C17orf50: variants seen among roughly 807,000 people sequenced by gnomAD.
C17orf50 encodes uncharacterized protein C17orf50.
In C17orf50, 16 loss-of-function variants were observed where a neutral mutation model predicts 17.7. That is an observed-to-expected ratio of 0.90 (90% CI 0.61 to 1.37). The LOEUF (loss-of-function observed/expected upper bound fraction) is 1.37, where lower values mean the gene tolerates loss of function less well. C17orf50 is among the 40% of genes most tolerant of loss of function. C17orf50 has a pLI of 0.00. For synonymous variants in C17orf50, 125 were observed against 111.0 expected, an observed-to-expected ratio of 1.13 and a Z score of -0.80; for missense variants, 271 against 240.7, an observed-to-expected ratio of 1.13 and a Z score of -0.83.
In C17orf50 at chr17:35,764,164, G is replaced by A; in HGVS notation, c.171G>A (p.Ala57=). 1 of 1,548,834 alleles carries A rather than the reference G, an allele frequency of 6.5e-7. No individual in the cohort carries two copies. Among genetic ancestry groups the A allele is most frequent in the South Asian group, 1.2e-5 (1 of 83,948 alleles). Reference sequence around the variant, plus strand: ...AGGGCGAGGAGCCGCCGCGGGTAGCGGAGGAGGGCGAAGGCCGCGAGCGGC... The same window carrying A: ...AGGGCGAGGAGCCGCCGCGGGTAGCAGAGGAGGGCGAAGGCCGCGAGCGGC... ...ATEGEEPPRV[A]EEGEGRERRS... The change falls in exon 2 of 3, where the codon GCG becomes GCA. Residue 57 remains alanine, a synonymous_variant. Coordinates refer to ENST00000605587, the MANE Select transcript of C17orf50 (RefSeq NM_145272.4).
chr17:35,764,454 G>A lies in C17orf50; in HGVS notation c.361G>A (p.Val121Met), dbSNP rs782310517. ...RKRSLPEEPC[V>M]LEIRRRPPRR... ...GCGGAGCCTCCCGGAGGAGCCGTGC[G>A]TGCTGGAGATCCGGCGACGACCGCC... Residue 121 changes from valine (V) to methionine (M), a missense_variant, in exon 3 of 3, where the codon GTG becomes ATG. Transcript: ENST00000605587. The A allele has an allele frequency of 5.8e-6, 9 of 1,556,834 alleles. No individual in the cohort carries two copies. Among genetic ancestry groups the A allele is most frequent in the Non-Finnish European group, 6.9e-6 (8 of 1,153,700 alleles).
intron 2 of C17orf50, 44 bp downstream of exon 2, chr17:35,764,369 C>T (rs375343724): frequency 2.8e-6 from 4 of 1,452,806 alleles, no homozygotes; most frequent in Non-Finnish European, 2.7e-6. Context: ...AGGCGGTGCC[C>T]GGGCCCCAGG....
At chr17:35,763,938 A>AAATAAATAAATG (rs1568121389) in intron 1 of C17orf50, 69 bp from the exon 2 acceptor site, 10 of 1,077,316 alleles carry the variant, frequency 9.3e-6, no homozygotes, top group South Asian at 4.4e-5. Flanking sequence ...ATAAATAAAT[A>AAATAAATAAATG]CATGAAAAAT....
chr17:35,762,024 CTT>C (rs2085830808), intron 1 of C17orf50, among the ~76,000 whole-genome samples: 1 of 151,830 alleles, frequency 6.6e-6, no homozygotes, highest in Non-Finnish European at 1.5e-5. Flanking sequence ...GAGTTTTGCT[CTT>C]GTTGCTCAGG....
At position 35,764,781 on chromosome 17, in the gene C17orf50, T is replaced by C; in HGVS notation, c.*163T>C. On this transcript the variant is annotated 3_prime_UTR_variant, in exon 3 of 3. Transcript: ENST00000605587. Reference sequence around the variant, plus strand: ...CCCATCCGTCAAGAAGGCCCACTGTTGGTGCTTGGTTCCCATCTGTCACCT... The same window carrying C: ...CCCATCCGTCAAGAAGGCCCACTGTCGGTGCTTGGTTCCCATCTGTCACCT... The C allele has an allele frequency of 4.1e-6, 3 of 737,388 alleles. No homozygotes were observed. Among genetic ancestry groups the C allele is most frequent in the Non-Finnish European group, 6.1e-6 (3 of 490,418 alleles). The allele number at this position is 737,388 out of a possible 1,614,324, so 45.7% of individuals were successfully genotyped here.
At chr17:35,763,747 A>T (rs180874739) in intron 1 of C17orf50, among the ~76,000 whole-genome samples, 12 of 151,860 alleles carry the variant, frequency 7.9e-5, no homozygotes, top group Admixed American at 7.9e-4. Flanking sequence ...AAATACAAAA[A>T]TTAGCAGGGC....
chr17:35,764,667 AC>A lies in C17orf50; in HGVS notation c.*54del, dbSNP rs2085900603. On this transcript the variant is annotated 3_prime_UTR_variant, in exon 3 of 3. Transcript: ENST00000605587. ...GCCCTCCATCATTTCCTGGCCCCAGACCCCCTACCGACCTTCTCTCTTGGAG... is the reference window on the plus strand; with the variant it reads ...GCCCTCCATCATTTCCTGGCCCCAGACCCCTACCGACCTTCTCTCTTGGAG... The A allele has an allele frequency of 6.6e-7, 1 of 1,511,136 alleles. No homozygotes were observed. Among genetic ancestry groups the A allele is most frequent in the African/African-American group, 1.5e-5 (1 of 68,276 alleles). 93.6% of individuals were successfully genotyped at this position (1,511,136 alleles called of 1,614,324 possible).
chr17:35,761,099 ATTTTTTTTT>A (rs10533957), intron 1 of C17orf50, 145 bp downstream of exon 1: 113 of 506,086 alleles, frequency 2.2e-4, no homozygotes, highest in East Asian at 4.5e-4. Flanking sequence ...GCCTTCCTGA[ATTTTTTTTT>A]TTTTTTTTTT....
intron 1 of C17orf50, among the ~76,000 whole-genome samples, chr17:35,761,534 C>A (rs1396490763): frequency 6.6e-6 from 1 of 152,134 alleles, no homozygotes; most frequent in African/African-American, 2.4e-5. Flanking sequence ...CTGACTTGGC[C>A]TCCCAAAGTG....
Position 35,764,673 on chromosome 17 carries a change from T to TA in C17orf50, c.*56dup. On this transcript the variant is annotated 3_prime_UTR_variant, in exon 3 of 3. Transcript: ENST00000605587. ...CATCATTTCCTGGCCCCAGACCCCC[T>TA]ACCGACCTTCTCTCTTGGAGCGCGG... 1.3e-6 allele frequency: 2 copies of TA among 1,498,448 alleles called. No homozygotes were observed. The highest frequency in any genetic ancestry group is 2.6e-5 in the South Asian group (2 of 77,142). The allele number at this position is 1,498,448 out of a possible 1,614,324, so 92.8% of individuals were successfully genotyped here.
chr17:35,764,272 G>C lies in C17orf50; in HGVS notation c.279G>C (p.Trp93Cys), dbSNP rs587606861. The C allele has an allele frequency of 1.2e-5, 18 of 1,536,570 alleles. No individual in the cohort carries two copies. In the South Asian group the frequency reaches 2.1e-4, roughly 18 times the overall value. The change falls in exon 2 of 3, where the codon TGG becomes TGC. Residue 93 changes from tryptophan (W) to cysteine (C), a missense_variant. Trp to Cys is a radical substitution (Grantham distance 215, BLOSUM62 -2). Coordinates refer to ENST00000605587, the MANE Select transcript of C17orf50 (RefSeq NM_145272.4). ...TGCGGCGCGCGGACAGCGGCTTCTG[G>C]GGCTGGCTCGGCCCCTTAGCGCTGC... is the stretch of plus-strand genomic sequence containing the variant. ...ALLRRADSGF[W>C]GWLGPLALLG... is the part of the protein sequence containing the mutation.
chr17:35,764,432 G>C lies in C17orf50; in HGVS notation c.339G>C (p.Arg113=). The C allele has an allele frequency of 6.5e-7, 1 of 1,539,670 alleles. No individual in the cohort carries two copies. Among genetic ancestry groups the C allele is most frequent in the East Asian group, 2.5e-5 (1 of 39,658 alleles). Residue 113 remains arginine (R), a synonymous_variant, in exon 3 of 3, where the codon CGG becomes CGC. Transcript: ENST00000605587. ...GGLTAPTDRK[R]SLPEEPCVLE... ...GCCTGGTCCCCGCCGGCAGGAAGCG[G>C]AGCCTCCCGGAGGAGCCGTGCGTGC...
In C17orf50 at chr17:35,764,708, C is replaced by G. The variant is rs587643838; in HGVS notation, c.*90C>G. The stretch of plus-strand genomic sequence containing the variant: ...CTCTCTTGGAGCGCGGAGCCCTCTT[C>G]GACGCATTCCGCAGGACCGCCCCTT... On this transcript the variant is annotated 3_prime_UTR_variant, in exon 3 of 3. Coordinates refer to ENST00000605587, the MANE Select transcript of C17orf50 (RefSeq NM_145272.4). 139 of 1,377,774 alleles carry G rather than the reference C, an allele frequency of 1.0e-4. No individual in the cohort carries two copies. The East Asian group carries it at 3.6e-3, about 36-fold the overall frequency. The allele number at this position is 1,377,774 out of a possible 1,614,324, so 85.3% of individuals were successfully genotyped here. A position where few individuals can be genotyped will look rare whatever the true frequency, so the allele number is the denominator to read the frequency against.
rs1445822369 is a variant in C17orf50, at chr17:35,764,270, T to C, written c.277T>C (p.Trp93Arg). ...ALLRRADSGF[W>R]GWLGPLALLG... ...GCTGCGGCGCGCGGACAGCGGCTTC[T>C]GGGGCTGGCTCGGCCCCTTAGCGCT... Residue 93 changes from tryptophan to arginine, a missense_variant, in exon 2 of 3, where the codon TGG (tryptophan) becomes CGG (arginine). Trp to Arg is a moderately radical substitution (Grantham distance 101, BLOSUM62 -3). Coordinates refer to ENST00000605587, the MANE Select transcript of C17orf50 (RefSeq NM_145272.4). 9 of 1,537,278 alleles carry C rather than the reference T, an allele frequency of 5.9e-6. No homozygotes were observed. The highest frequency in any genetic ancestry group is 4.0e-5 in the Admixed American group (2 of 50,282).
At chr17:35,761,866 T>G (rs1248681358) in intron 1 of C17orf50, among the ~76,000 whole-genome samples, 1 of 152,214 alleles carries the variant, frequency 6.6e-6, no homozygotes, top group Non-Finnish European at 1.5e-5. Context: ...TCTGGAACCC[T>G]TTTCTAGCTG....
At chr17:35,762,500 A>T (rs2085840654) in intron 1 of C17orf50, among the ~76,000 whole-genome samples, 1 of 152,136 alleles carries the variant, frequency 6.6e-6, no homozygotes, top group African/African-American at 2.4e-5. Context: ...TGCTGGGGCT[A>T]CTGCTTGTAG....
Position 35,764,575 on chromosome 17 carries a change from A to T in C17orf50, c.482A>T (p.Asp161Val). Residue 161 changes from aspartate (D) to valine (V), a missense_variant, in exon 3 of 3, where the codon GAT (aspartate) becomes GTT (valine). Coordinates refer to ENST00000605587, the MANE Select transcript of C17orf50 (RefSeq NM_145272.4). ...HPAYVAHCVL[D>V]HPDLGKAGAA... ...GCCTATGTGGCGCACTGCGTTCTGG[A>T]TCACCCGGATCTGGGTAAGGCGGGG... is the stretch of plus-strand genomic sequence containing the variant. The T allele has an allele frequency of 6.3e-7, 1 of 1,594,740 alleles. No homozygotes were observed. Among genetic ancestry groups the T allele is most frequent in the Non-Finnish European group, 8.5e-7 (1 of 1,173,404 alleles).
At position 35,764,132 on chromosome 17, in the gene C17orf50, G is replaced by T; in HGVS notation, c.139G>T (p.Ala47Ser). 2 of 1,549,630 alleles carry T rather than the reference G, an allele frequency of 1.3e-6. No individual in the cohort carries two copies. ...CAACCAGAGGCCGCTGGAGGACAGC[G>T]CGACGGAGGGCGAGGAGCCGCCGCG... ...EDNQRPLEDS[A>S]TEGEEPPRVA... is the part of the protein sequence containing the mutation. The change falls in exon 2 of 3, where the codon GCG (alanine) becomes TCG (serine). Residue 47 changes from alanine to serine, a missense_variant. By Grantham distance (99) the Ala-to-Ser change is moderately conservative. Transcript: ENST00000605587.
rs1555602459 is a variant in C17orf50, at chr17:35,764,646, T to C, written c.*28T>C. On this transcript the variant is annotated 3_prime_UTR_variant, in exon 3 of 3. Transcript: ENST00000605587. ...GCCCCCGCTCCCAGCCTTTGTGCCC[T>C]CCATCATTTCCTGGCCCCAGACCCC... 2 of 1,540,030 alleles carry C rather than the reference T, an allele frequency of 1.3e-6. No homozygotes were observed. Among genetic ancestry groups the C allele is most frequent in the East Asian group, 2.5e-5 (1 of 39,934 alleles).
Sources: allele counts gnomAD v4.1 joint callset (sites outside exome capture counted in the v4.1 genomes callset), GRCh38; gene constraint gnomAD v4.1.1; transcripts MANE v1.5; gene names NCBI Gene and HGNC (gene_info 2026-07-23, HGNC 2026-07-21).